BMP7: variants seen among roughly 807,000 people sequenced by gnomAD.
BMP7 encodes osteogenic protein 1.
Under a neutral mutation model 41.2 loss-of-function variants are expected in BMP7, and 12 were observed. The observed-to-expected ratio is 0.29, with a 90% CI of 0.19 to 0.47. The LOEUF is 0.47. Ranked by LOEUF, BMP7 falls within the 20% of genes least tolerant of loss-of-function variation. The probability of loss-of-function intolerance (pLI) is 0.99; values close to 1 mark genes in which losing one functional copy is unlikely to be tolerated. For synonymous variants in BMP7, 248 were observed against 250.0 expected (o/e 0.99, Z 0.07); for missense variants, 467 against 606.0 (o/e 0.77, Z 2.41).
rs1051658305 is a variant in BMP7, at chr20:57,174,866, C to T, written c.1035+65G>A. On this transcript the variant is annotated intron_variant, in intron 5 of 6. Coordinates refer to ENST00000395863, the MANE Select transcript of BMP7 (RefSeq NM_001719.3). This position sits in a 1 kb window ranked among gnomAD's most constrained non-coding sequence, Gnocchi z 4.3. ...ATGAGAAACAAGACTGAGCACAGAC[C>T]CGCTGCCTCGTGGGAGCCCACGCCA... 13 of 1,516,760 alleles carry T rather than the reference C, an allele frequency of 8.6e-6. No individual in the cohort carries two copies. The highest frequency in any genetic ancestry group is 9.9e-6 in the Non-Finnish European group (11 of 1,114,218). 94.0% of individuals were successfully genotyped at this position (1,516,760 alleles called of 1,614,324 possible). A position where few individuals can be genotyped will look rare whatever the true frequency, so the allele number is the denominator to read the frequency against.
At chr20:57,263,970 C>T (rs112609952) in intron 1 of BMP7, among the ~76,000 whole-genome samples, 7 of 152,274 alleles carry the variant, frequency 4.6e-5, no homozygotes, top group Non-Finnish European at 7.4e-5. Context: ...TACAAGCACA[C>T]ATGCAGCCCA....
At chr20:57,265,493 C>T (rs924594075) in intron 1 of BMP7, among the ~76,000 whole-genome samples, 1 of 152,274 alleles carries the variant, frequency 6.6e-6, no homozygotes, top group Admixed American at 6.5e-5. Context: ...TTCCCAGTAA[C>T]CCCTACAGGC....
At chr20:57,230,620 T>C (rs1170442339) in intron 1 of BMP7, among the ~76,000 whole-genome samples, 1 of 150,456 alleles carries the variant, frequency 6.6e-6, no homozygotes, top group Non-Finnish European at 1.5e-5. Context: ...CATGCATCTC[T>C]GTGGCTGCGT....
At chr20:57,218,578 AGTAGCTGGTGTTTGGTG>A (rs1985096448) in intron 2 of BMP7, among the ~76,000 whole-genome samples, 1 of 132,164 alleles carries the variant, frequency 7.6e-6, no homozygotes, top group African/African-American at 3.0e-5. Flanking sequence ...GGTGTTTGGT[AGTAGCTGGTGTTTGGTG>A]GTAGCTGGTG....
intron 1 of BMP7, among the ~76,000 whole-genome samples, chr20:57,251,580 G>A (rs927236249): frequency 3.3e-5 from 5 of 152,124 alleles, no homozygotes; most frequent in South Asian, 2.1e-4. Context: ...GAACATGGAG[G>A]GGGGGCAGGA....
intron 3 of BMP7, among the ~76,000 whole-genome samples, chr20:57,186,298 C>T (rs558200464): frequency 6.6e-6 from 1 of 152,258 alleles, no homozygotes; most frequent in East Asian, 1.9e-4. Context: ...AGAATGGGGA[C>T]ACCAACAGGG....
rs1209218097 is a variant in BMP7, at chr20:57,251,680, TC to T, written c.418+14024del. Among the ~76,000 whole-genome samples, 3 of 152,230 alleles carry T rather than the reference TC, an allele frequency of 2.0e-5. No homozygotes were observed. In the East Asian group the frequency reaches 5.8e-4, roughly 29 times the overall value. On this transcript the variant is annotated intron_variant, in intron 1 of 6. Coordinates refer to ENST00000395863, the MANE Select transcript of BMP7 (RefSeq NM_001719.3). ...CGGGCACAGTGGCTCACGCCTGTAA[TC>T]CCAGTACTTTGGGAGGCCGAGGCAG...
chr20:57,249,732 T>G (rs1049442223), intron 1 of BMP7, among the ~76,000 whole-genome samples: 5 of 152,216 alleles, frequency 3.3e-5, no homozygotes, highest in African/African-American at 1.2e-4. Context: ...CAGGCCATTG[T>G]CATGTTCTCC....
intron 2 of BMP7, among the ~76,000 whole-genome samples, chr20:57,219,756 G>A (rs2123109167): frequency 6.6e-6 from 1 of 152,246 alleles, no homozygotes; most frequent in South Asian, 2.1e-4. Flanking sequence ...CACCCTTCGG[G>A]GTGCTCTGCG....
intron 1 of BMP7, among the ~76,000 whole-genome samples, chr20:57,229,159 A>G (rs1290877017): frequency 1.3e-5 from 2 of 152,160 alleles, no homozygotes; most frequent in Non-Finnish European, 2.9e-5. Context: ...CAAGCTACCA[A>G]CGTGAGGCTG....
intron 3 of BMP7, 59 bp downstream of exon 3, chr20:57,202,416 C>T: frequency 6.3e-7 from 1 of 1,583,754 alleles, no homozygotes; most frequent in Non-Finnish European, 8.5e-7. Flanking sequence ...ACTGCTGAGA[C>T]CCTCCTGAAG....
In BMP7 at chr20:57,236,048, T is replaced by C. The variant is rs1171277131; in HGVS notation, c.419-7627A>G. On this transcript the variant is annotated intron_variant, in intron 1 of 6. Transcript: ENST00000395863. ...TCCTCCTCCCTCCTGGCACCCGAGGTAGGCATCACTAAACAATGGCAACAC... is the reference window on the plus strand; with the variant it reads ...TCCTCCTCCCTCCTGGCACCCGAGGCAGGCATCACTAAACAATGGCAACAC... Among the ~76,000 whole-genome samples, 4 of 152,206 alleles carry C rather than the reference T, an allele frequency of 2.6e-5. No individual in the cohort carries two copies. In the East Asian group the frequency reaches 5.8e-4, roughly 22 times the overall value.
At chr20:57,192,319 CAT>C (rs1376832024) in intron 3 of BMP7, among the ~76,000 whole-genome samples, 18 of 134,938 alleles carry the variant, frequency 1.3e-4, no homozygotes, top group African/African-American at 4.3e-4. Flanking sequence ...ATATAGAAGA[CAT>C]ATTAATATAT....
At position 57,265,917 on chromosome 20, in the gene BMP7, C is replaced by T. The variant is rs747542314; in HGVS notation, c.206G>A (p.Arg69His). ...LSILGLPHRP[R>H]PHLQGKHNSA... Reference sequence around the variant, plus strand: ...GTTGTGCTTGCCCTGGAGGTGCGGGCGCGGGCGGTGGGGCAAGCCCAAAAT... The same window carrying T: ...GTTGTGCTTGCCCTGGAGGTGCGGGTGCGGGCGGTGGGGCAAGCCCAAAAT... The change falls in exon 1 of 7, where the codon CGC becomes CAC. Residue 69 changes from arginine (R) to histidine (H), a missense_variant. This residue lies in a region of BMP7 where 407 missense variants were observed against 485.9 expected (regional missense o/e 0.84). Transcript: ENST00000395863. The T allele has an allele frequency of 6.4e-7, 1 of 1,571,852 alleles. No homozygotes were observed.
At chr20:57,182,054 G>A (rs1600729451) in intron 4 of BMP7, among the ~76,000 whole-genome samples, 1 of 152,222 alleles carries the variant, frequency 6.6e-6, no homozygotes, top group African/African-American at 2.4e-5. Context: ...CCTGGCCGGC[G>A]GGATGGGATT....
intron 1 of BMP7, among the ~76,000 whole-genome samples, chr20:57,253,693 C>T (rs1293589833): frequency 6.6e-6 from 1 of 152,070 alleles, no homozygotes; most frequent in Non-Finnish European, 1.5e-5. Flanking sequence ...CATCCATGCA[C>T]CCATAACAGA....
chr20:57,232,852 TACACACACACACACACACACACAC>T (rs60368986), intron 1 of BMP7, among the ~76,000 whole-genome samples: 1 of 138,042 alleles, frequency 7.2e-6, no homozygotes, highest in African/African-American at 2.7e-5. Flanking sequence ...AGTCATGAAG[TACACACACACACACACACACACAC>T]ACACACACAC....
chr20:57,196,756 C>T lies in BMP7; in HGVS notation c.760+5719G>A, dbSNP rs115301428. 2.4e-3 allele frequency among the ~76,000 whole-genome samples: 372 copies of T among 152,300 alleles called. 3 individuals carry two copies. Among genetic ancestry groups the T allele is most frequent in the African/African-American group, 8.6e-3 (358 of 41,562 alleles). On this transcript the variant is annotated intron_variant, in intron 3 of 6. Coordinates refer to ENST00000395863, the MANE Select transcript of BMP7 (RefSeq NM_001719.3). ...CTGGGCACCTGCAATTCCAGCTACT[C>T]AGGAGGCTGAGGCTAGAGGATCGCT... is the stretch of plus-strand genomic sequence containing the variant.
intron 1 of BMP7, among the ~76,000 whole-genome samples, chr20:57,234,820 G>T (rs1226927939): frequency 6.6e-6 from 1 of 152,176 alleles, no homozygotes; most frequent in Admixed American, 6.5e-5. Context: ...TGCTTAGCAG[G>T]GCCTCATAAA....
Sources: allele counts gnomAD v4.1 joint callset (sites outside exome capture counted in the v4.1 genomes callset), GRCh38; gene constraint gnomAD v4.1.1; regional missense constraint gnomAD v4.1.1; non-coding constraint Gnocchi (gnomAD v3.1); transcripts MANE v1.5; gene names NCBI Gene and HGNC (gene_info 2026-07-23, HGNC 2026-07-21).